The following RYR1 variants were observed in gnomAD, a reference collection of about 807,000 sequenced individuals.
The protein encoded by RYR1 is ryanodine receptor 1.
RYR1 carries 342 observed loss-of-function variants against 583.5 expected under a neutral mutation model. The ratio of observed to expected loss-of-function variants is 0.59; its 90% CI spans 0.54 to 0.64. RYR1 has a LOEUF of 0.64. Among genes scored for constraint, RYR1 ranks in the 30% least tolerant of loss-of-function variants. The probability of loss-of-function intolerance (pLI) is 0.00; values close to 1 mark genes in which losing one functional copy is unlikely to be tolerated. For missense variants in RYR1, 6,032 were observed against 6,917.2 expected, an observed-to-expected ratio of 0.87 and a Z score of 4.54; for synonymous variants, 2,791 against 2,822.5, an observed-to-expected ratio of 0.99 and a Z score of 0.35.
At chr19:38,515,513 C>A (rs1432032042) in intron 64 of RYR1, among the ~76,000 whole-genome samples, 7 of 152,192 alleles carry the variant, frequency 4.6e-5, no homozygotes, top group Non-Finnish European at 1.0e-4. Flanking sequence ...TTTCAAGTGA[C>A]ACCAGCGGTG....
In RYR1 at chr19:38,442,451, G is replaced by C; in HGVS notation, c.268G>C (p.Glu90Gln). 6.2e-7 allele frequency: 1 copy of C among 1,612,824 alleles called. No homozygotes were observed. Among genetic ancestry groups the C allele is most frequent in the Middle Eastern group, 1.7e-4 (1 of 5,980 alleles). Reference protein sequence around the residue: ...MLANTVEAGVESSQGGGHRTL... With the variant: ...MLANTVEAGVQSSQGGGHRTL... ...GGCTAACACGGTGGAGGCTGGCGTG[G>C]AGGTGAGGACCCCACCTGGGGGTGG... The change falls in exon 3 of 106, where the codon GAG becomes CAG. Residue 90 changes from glutamate (E) to glutamine (Q), a missense_variant and splice_region_variant. Transcript: ENST00000359596.
rs1973166430 is a variant in RYR1 at position 38,561,975 on chromosome 19, C to T, written c.12624+521C>T. ...TGCTGACCCACCCTTCACCAGTCAT[C>T]ACGTTTGCCCCCAGATGCCTTCTGA... On this transcript the variant is annotated intron_variant, in intron 90 of 105. Coordinates refer to ENST00000359596, the MANE Select transcript of RYR1 (RefSeq NM_000540.3). The surrounding 1 kb of genome is among the most constrained non-coding windows in gnomAD (Gnocchi z 4.8). Among the ~76,000 whole-genome samples, 1 of 152,128 alleles carries T rather than the reference C, an allele frequency of 6.6e-6. No individual in the cohort carries two copies. The highest frequency in any genetic ancestry group is 6.5e-5 in the Admixed American group (1 of 15,268).
chr19:38,460,611 G>T lies in RYR1; in HGVS notation c.2577+20G>T, dbSNP rs761682066. ...GTCCAGGTACTGCCTGCCCTGCAAA[G>T]GTTTTCTGGCGAGGCAGGGTCTCTT... On this transcript the variant is annotated intron_variant, in intron 20 of 105. Transcript: ENST00000359596. 1.2e-6 allele frequency: 2 copies of T among 1,603,208 alleles called. No homozygotes were observed. The highest frequency in any genetic ancestry group is 1.7e-6 in the Non-Finnish European group (2 of 1,177,028).
chr19:38,534,417 G>A (rs148422868), intron 78 of RYR1, among the ~76,000 whole-genome samples: 8 of 152,238 alleles, frequency 5.3e-5, no homozygotes, highest in Admixed American at 3.9e-4. Context: ...GTTAGAGGGC[G>A]GAAAACATAA....
At chr19:38,580,155 G>A (rs372195512) in intron 100 of RYR1, 27 bp downstream of exon 100, 85 of 1,613,812 alleles carry the variant, frequency 5.3e-5, no homozygotes, top group Non-Finnish European at 6.5e-5. Context: ...GCTGTGGGGC[G>A]TGGGCCAGCA....
intron 101 of RYR1, among the ~76,000 whole-genome samples, chr19:38,581,904 G>A (rs934554423): frequency 2.6e-5 from 4 of 151,800 alleles, no homozygotes; most frequent in African/African-American, 4.8e-5. Context: ...AACTGCACCC[G>A]GCCTTATTTG....
Position 38,505,030 on chromosome 19 carries a change from C to A in RYR1, c.8259C>A (p.Ser2753=), listed in dbSNP as rs1177890184. The A allele has an allele frequency of 1.9e-6, 3 of 1,614,070 alleles. No individual in the cohort carries two copies. Among genetic ancestry groups the A allele is most frequent in the Non-Finnish European group, 2.5e-6 (3 of 1,180,042 alleles). ...TGATCATCCCGGAGAAGCTGGACTC[C>A]TTCATTAACAAGTTTGCGGAGTACA... ...LNVIIPEKLD[S]FINKFAEYTH... is the part of the protein sequence containing the mutation. Residue 2753 remains serine, a synonymous_variant, in exon 52 of 106, where the codon TCC becomes TCA. Coordinates refer to ENST00000359596, the MANE Select transcript of RYR1 (RefSeq NM_000540.3).
chr19:38,515,642 T>G (rs1012231038), intron 64 of RYR1, among the ~76,000 whole-genome samples: 27 of 152,078 alleles, frequency 1.8e-4, no homozygotes, highest in African/African-American at 6.5e-4. Context: ...AAAAAAAATT[T>G]TTTTTAATTA....
chr19:38,469,563 C>T (rs1007725334), intron 27 of RYR1, 50 bp downstream of exon 27: 17 of 1,531,026 alleles, frequency 1.1e-5, no homozygotes, highest in Non-Finnish European at 1.5e-5. Context: ...AAAGCTCCTT[C>T]CTTCCACAGT....
At chr19:38,438,408 G>C (rs980771137) in intron 1 of RYR1, among the ~76,000 whole-genome samples, 1 of 146,960 alleles carries the variant, frequency 6.8e-6, no homozygotes, top group Non-Finnish European at 1.5e-5. Flanking sequence ...TTCCTTTTGA[G>C]ACATGGTCTC....
intron 38 of RYR1, 35 bp from the exon 39 acceptor site, chr19:38,494,317 A>G: frequency 6.2e-7 from 1 of 1,610,798 alleles, no homozygotes; most frequent in Non-Finnish European, 8.5e-7. Context: ...CCTGCCCTGC[A>G]TGGTGCTCCA....
chr19:38,492,549 C>T lies in RYR1; in HGVS notation c.6187C>T (p.Leu2063Phe). ...GGAAGAGACCACCCTGGGCAGCCGC[C>T]TCATGAGCCTGTTGGAGAAAGTGCG... ...PEEETTLGSRLMSLLEKVRLV... is the reference protein window; with the variant it reads ...PEEETTLGSRFMSLLEKVRLV... Residue 2063 changes from leucine (L) to phenylalanine (F), a missense_variant, in exon 38 of 106, where the codon CTC (leucine) becomes TTC (phenylalanine). Leu to Phe is a conservative substitution (Grantham distance 22). Transcript: ENST00000359596. The T allele has an allele frequency of 1.2e-6, 2 of 1,614,048 alleles. No homozygotes were observed. Among genetic ancestry groups the T allele is most frequent in the Non-Finnish European group, 1.7e-6 (2 of 1,179,974 alleles).
Position 38,512,603 on chromosome 19 carries a change from C to T in RYR1, c.9472+120C>T. The T allele has an allele frequency of 1.0e-6, 1 of 975,394 alleles. No homozygotes were observed. The highest frequency in any genetic ancestry group is 1.6e-6 in the Non-Finnish European group (1 of 620,750). 60.4% of individuals were successfully genotyped at this position (975,394 alleles called of 1,614,324 possible). A position where few individuals can be genotyped will look rare whatever the true frequency, so the allele number is the denominator to read the frequency against. The stretch of plus-strand genomic sequence containing the variant: ...TGTGGATTTCTTGCTGTAAGCAAAG[C>T]ATGCAGTCAGTACCTTGGCAGGTGG... On this transcript the variant is annotated intron_variant, in intron 63 of 105. Transcript: ENST00000359596. This position sits in a 1 kb window ranked among gnomAD's most constrained non-coding sequence, Gnocchi z 5.1.
intron 89 of RYR1, among the ~76,000 whole-genome samples, chr19:38,554,298 G>A (rs1333708649): frequency 0.011 from 24 of 2,182 alleles, no homozygotes; most frequent in Middle Eastern, 0.12. Flanking sequence ...CTAAAAATAC[G>A]AAAAAATAGC....
At chr19:38,434,905 G>A (rs367586236) in intron 1 of RYR1, among the ~76,000 whole-genome samples, 2 of 152,182 alleles carry the variant, frequency 1.3e-5, no homozygotes, top group East Asian at 1.9e-4. Flanking sequence ...GGACCCTGGC[G>A]AGCCGGGTCC....
At chr19:38,577,246 G>A (rs2145886127) in intron 97 of RYR1, among the ~76,000 whole-genome samples, 1 of 152,188 alleles carries the variant, frequency 6.6e-6, no homozygotes, top group Middle Eastern at 3.4e-3. Flanking sequence ...TCAAAGTGGG[G>A]TAATAATACG....
chr19:38,569,186 A>G (rs1973595525), intron 93 of RYR1, among the ~76,000 whole-genome samples: 1 of 151,944 alleles, frequency 6.6e-6, no homozygotes, highest in African/African-American at 2.4e-5. Flanking sequence ...AATTTTTTGT[A>G]TTTTTAGTAG....
At chr19:38,495,800 GCT>G (rs1969792530) in intron 39 of RYR1, among the ~76,000 whole-genome samples, 1 of 151,826 alleles carries the variant, frequency 6.6e-6, no homozygotes, top group African/African-American at 2.4e-5. Flanking sequence ...ATGGAGTCTT[GCT>G]CTGTTGCCAA....
chr19:38,482,966 C>T (rs1286338900), intron 31 of RYR1, 61 bp from the exon 32 acceptor site: 3 of 1,446,980 alleles, frequency 2.1e-6, no homozygotes, highest in East Asian at 2.3e-5. Flanking sequence ...GTTTGAGGTC[C>T]AGAGTCAACC....
Sources: allele counts gnomAD v4.1 joint callset (sites outside exome capture counted in the v4.1 genomes callset), GRCh38; gene constraint gnomAD v4.1.1; non-coding constraint Gnocchi (gnomAD v3.1); transcripts MANE v1.5; gene names NCBI Gene and HGNC (gene_info 2026-07-23, HGNC 2026-07-21).